LUC7L2: variants seen among roughly 807,000 people sequenced by gnomAD.
LUC7L2 encodes LUC7 like 2, pre-mRNA splicing factor, also known as putative RNA-binding protein Luc7-like 2.
Under a neutral mutation model 52.8 loss-of-function variants are expected in LUC7L2, and 25 were observed. The observed-to-expected ratio is 0.47, with a 90% CI of 0.34 to 0.66. LUC7L2 has a LOEUF of 0.66. Ranked by LOEUF, LUC7L2 falls within the 30% of genes least tolerant of loss-of-function variation. LUC7L2 has a pLI of 0.01. For synonymous variants in LUC7L2, 144 were observed against 160.9 expected, an observed-to-expected ratio of 0.89 and a Z score of 0.80; for missense variants, 328 against 497.8, an observed-to-expected ratio of 0.66 and a Z score of 3.25.
intron 1 of LUC7L2, among the ~76,000 whole-genome samples, chr7:139,351,807 T>C (rs1010503431): frequency 6.6e-6 from 1 of 152,252 alleles, no homozygotes; most frequent in Non-Finnish European, 1.5e-5. Context: ...TATTCATTCT[T>C]CAGGATTTCA....
At chr7:139,361,244 C>G (rs963822906) in intron 1 of LUC7L2, among the ~76,000 whole-genome samples, 1 of 152,184 alleles carries the variant, frequency 6.6e-6, no homozygotes, top group Admixed American at 6.5e-5. Flanking sequence ...TAGGAAAGGT[C>G]TAGTTCATTA....
At chr7:139,391,449 TATTA>T (rs1252867878) in intron 2 of LUC7L2, among the ~76,000 whole-genome samples, 26 of 152,244 alleles carry the variant, frequency 1.7e-4, no homozygotes, top group African/African-American at 6.0e-4. Flanking sequence ...ATATTACTAC[TATTA>T]ATTTACACTT....
chr7:139,413,223 A>AT (rs980733602), intron 8 of LUC7L2, among the ~76,000 whole-genome samples: 4 of 152,096 alleles, frequency 2.6e-5, no homozygotes, highest in South Asian at 2.1e-4. Flanking sequence ...TTGCTGATAC[A>AT]TTTTTTTGTC....
chr7:139,375,103 G>T (rs1377395963), intron 1 of LUC7L2: 10 of 984,062 alleles, frequency 1.0e-5, no homozygotes, highest in Non-Finnish European at 1.1e-5. Flanking sequence ...TATAGAAAGA[G>T]GAAACATCCT....
intron 1 of LUC7L2, among the ~76,000 whole-genome samples, chr7:139,366,799 T>G (rs1569369627): frequency 6.6e-6 from 1 of 152,196 alleles, no homozygotes; most frequent in East Asian, 1.9e-4. Flanking sequence ...GTCGTATTGT[T>G]AGAAATATAA....
intron 7 of LUC7L2, among the ~76,000 whole-genome samples, chr7:139,412,120 G>A (rs746476731): frequency 3.3e-5 from 5 of 151,364 alleles, no homozygotes; most frequent in Non-Finnish European, 7.4e-5. Flanking sequence ...GAAAAAAATC[G>A]GCCACCTGTA....
intron 9 of LUC7L2, among the ~76,000 whole-genome samples, chr7:139,418,775 TAAG>T (rs1009137987): frequency 6.6e-6 from 1 of 152,200 alleles, no homozygotes; most frequent in Non-Finnish European, 1.5e-5. Context: ...TAGTAAAACA[TAAG>T]AAAGACGTAT....
intron 2 of LUC7L2, among the ~76,000 whole-genome samples, chr7:139,393,167 C>T (rs1259844504): frequency 3.9e-5 from 6 of 151,906 alleles, no homozygotes; most frequent in Non-Finnish European, 7.4e-5. Flanking sequence ...GTAGGGAGGC[C>T]GAGGCAGGAG....
upstream of LUC7L2, among the ~76,000 whole-genome samples, chr7:139,358,754 G>A (rs1387512480): frequency 6.6e-6 from 1 of 151,984 alleles, no homozygotes; most frequent in Non-Finnish European, 1.5e-5. Context: ...GCGTCATCTC[G>A]ACTCACTGCA....
At chr7:139,345,887 C>G in intron 1 of LUC7L2, 2 of 659,038 alleles carry the variant, frequency 3.0e-6, no homozygotes, top group Non-Finnish European at 4.6e-6. Flanking sequence ...ACTTTTTGCA[C>G]TAGACTGATG....
At chr7:139,350,943 A>G (rs1009686770) in intron 1 of LUC7L2, among the ~76,000 whole-genome samples, 11 of 151,610 alleles carry the variant, frequency 7.3e-5, no homozygotes, top group East Asian at 3.9e-4. Context: ...CAAAGTGCTG[A>G]GATTACAGGT....
chr7:139,399,449 A>ATTTTTTTTTTTTTTTTTTTTTTTTTTT (rs71169090), intron 3 of LUC7L2, among the ~76,000 whole-genome samples: 2 of 50,458 alleles, frequency 4.0e-5, no homozygotes, highest in Non-Finnish European at 7.7e-5. Flanking sequence ...TGTTTGGGGG[A>ATTTTTTTTTTTTTTTTTTTTTTTTTTT]TTTTTTTTTT....
At chr7:139,382,015 G>T (rs1299558901) in intron 2 of LUC7L2, among the ~76,000 whole-genome samples, 1 of 151,166 alleles carries the variant, frequency 6.6e-6, no homozygotes, top group African/African-American at 2.4e-5. Context: ...CTCCCGAGCA[G>T]CTGGGACTAC....
intron 1 of LUC7L2, among the ~76,000 whole-genome samples, chr7:139,354,256 A>G (rs1434374929): frequency 6.6e-6 from 1 of 152,250 alleles, no homozygotes; most frequent in Non-Finnish European, 1.5e-5. Context: ...GAAATCATTA[A>G]AGAGCTAATA....
At chr7:139,409,857 T>C (rs572352786) in intron 7 of LUC7L2, among the ~76,000 whole-genome samples, 24 of 152,360 alleles carry the variant, frequency 1.6e-4, no homozygotes, top group African/African-American at 4.6e-4. Flanking sequence ...CGGAATGTGA[T>C]TTCCTTTAAA....
intron 1 of LUC7L2, among the ~76,000 whole-genome samples, chr7:139,353,153 C>T (rs973269620): frequency 1.3e-5 from 2 of 152,016 alleles, no homozygotes; most frequent in East Asian, 1.9e-4. Flanking sequence ...GCCAAGATCC[C>T]GCCACTGTAC....
chr7:139,367,761 A>C (rs1800239964), intron 1 of LUC7L2, among the ~76,000 whole-genome samples: 1 of 152,232 alleles, frequency 6.6e-6, no homozygotes, highest in South Asian at 2.1e-4. Context: ...AGAGAGGTCC[A>C]TCAAGACCTC....
intron 1 of LUC7L2, chr7:139,341,590 T>C (rs1585052905): frequency 3.8e-6 from 6 of 1,566,868 alleles, no homozygotes; most frequent in Non-Finnish European, 4.3e-6. Flanking sequence ...TGGGCTAGGG[T>C]GGGGAGCACG....
At chr7:139,422,086 TTAA>T in intron 9 of LUC7L2, 74 bp from the exon 10 acceptor site, 1 of 1,505,980 alleles carries the variant, frequency 6.6e-7, no homozygotes, top group East Asian at 2.4e-5. Flanking sequence ...TATCAAGAGC[TTAA>T]TATTTATCCT....
Sources: gnomAD v4.1 joint callset for allele counts (sites outside exome capture counted in the v4.1 genomes callset) on GRCh38, gnomAD v4.1.1 for gene constraint, MANE v1.5 for transcripts, NCBI Gene and HGNC (gene_info 2026-07-23, HGNC 2026-07-21) for gene names.